Variants in KCNQ3 observed in about 807,000 individuals in gnomAD.
KCNQ3 encodes potassium voltage-gated channel subfamily KQT member 3.
KCNQ3 carries 30 observed loss-of-function variants against 92.5 expected under a neutral mutation model. The ratio of observed to expected loss-of-function variants is 0.32; its 90% CI spans 0.24 to 0.44. KCNQ3 has a LOEUF of 0.44. Ranked by LOEUF, KCNQ3 falls within the 20% of genes least tolerant of loss-of-function variation. The probability of loss-of-function intolerance (pLI) is 1.00; values close to 1 mark genes in which losing one functional copy is unlikely to be tolerated. For synonymous variants in KCNQ3, 450 were observed against 468.8 expected (o/e 0.96, Z 0.52); for missense variants, 913 against 1,140.3 (o/e 0.80, Z 2.87).
rs944835990 is a variant in KCNQ3, at chr8:132,186,013, G to A, written c.477+78C>T. ...CAAGAAGCTGCAACCAGTCAGGGAGGAGTGCACCCAAGGGCAACCTCCTTT... is the reference window on the plus strand; with the variant it reads ...CAAGAAGCTGCAACCAGTCAGGGAGAAGTGCACCCAAGGGCAACCTCCTTT... On this transcript the variant is annotated intron_variant, in intron 2 of 14. Coordinates refer to ENST00000388996, the MANE Select transcript of KCNQ3 (RefSeq NM_004519.4). The A allele has an allele frequency of 6.9e-6, 7 of 1,015,388 alleles. No homozygotes were observed. In the Admixed American group the frequency reaches 8.5e-5, roughly 12 times the overall value. The allele number at this position is 1,015,388 out of a possible 1,614,324, so 62.9% of individuals were successfully genotyped here. A position where few individuals can be genotyped will look rare whatever the true frequency, so the allele number is the denominator to read the frequency against.
chr8:132,275,670 C>A (rs547346207), intron 1 of KCNQ3, among the ~76,000 whole-genome samples: 16 of 152,134 alleles, frequency 1.1e-4, no homozygotes, highest in South Asian at 1.0e-3. Flanking sequence ...CTCCGCCTCC[C>A]AGGTTCACAC....
At position 132,180,145 on chromosome 8, in the gene KCNQ3, C is replaced by T; in HGVS notation, c.777+12G>A. On this transcript the variant is annotated intron_variant, in intron 4 of 14. Transcript: ENST00000388996. The stretch of plus-strand genomic sequence containing the variant: ...AGCCCATGTGGTCCTGCAGTTTCTC[C>T]ACCACACTTACTTTGCTGTGGGCAC... The T allele has an allele frequency of 6.2e-7, 1 of 1,613,932 alleles. No individual in the cohort carries two copies. The highest frequency in any genetic ancestry group is 8.5e-7 in the Non-Finnish European group (1 of 1,179,950).
rs114902659 is a variant in KCNQ3 at position 132,316,503 on chromosome 8, C to T, written c.387-130322G>A. On this transcript the variant is annotated intron_variant, in intron 1 of 14. Transcript: ENST00000388996. ...GCAGGAAAAACAGGAGTTCCTTCAA[C>T]ACTGGCCACTGTGTGGCTCAGTTTG... Among the ~76,000 whole-genome samples the T allele has an allele frequency of 8.1e-3, 1,236 of 152,344 alleles. 17 individuals are homozygous for T. The highest frequency in any genetic ancestry group is 0.029 in the African/African-American group (1,186 of 41,578).
intron 1 of KCNQ3, among the ~76,000 whole-genome samples, chr8:132,333,921 C>T (rs900433129): frequency 1.2e-4 from 19 of 152,070 alleles, no homozygotes; most frequent in African/African-American, 4.3e-4. Flanking sequence ...TTAGTAGAGA[C>T]AGGGTTTCAC....
At chr8:132,203,683 T>C (rs914865572) in intron 1 of KCNQ3, among the ~76,000 whole-genome samples, 5 of 152,216 alleles carry the variant, frequency 3.3e-5, no homozygotes, top group African/African-American at 1.2e-4. Context: ...ACTTAACCTC[T>C]CTGGTTCTCC....
chr8:132,338,869 C>T (rs1398200882), intron 1 of KCNQ3, among the ~76,000 whole-genome samples: 1 of 152,196 alleles, frequency 6.6e-6, no homozygotes, highest in Non-Finnish European at 1.5e-5. Context: ...CCATCACCTC[C>T]TCAGTGAGCC....
Position 132,480,945 on chromosome 8 carries a change from G to C in KCNQ3, c.-413C>G, listed in dbSNP as rs1822550542. 1 of 150,740 alleles carries C rather than the reference G, an allele frequency of 6.6e-6. No individual in the cohort carries two copies. The highest frequency in any genetic ancestry group is 1.5e-5 in the Non-Finnish European group (1 of 68,610). 9.3% of individuals were successfully genotyped at this position (150,740 alleles called of 1,614,324 possible). A position where few individuals can be genotyped will look rare whatever the true frequency, so the allele number is the denominator to read the frequency against. On this transcript the variant is annotated 5_prime_UTR_variant, in exon 1 of 15. Coordinates refer to ENST00000388996, the MANE Select transcript of KCNQ3 (RefSeq NM_004519.4). ...GCATCGCAGTTTATTTACAAGCCCG[G>C]TGCCAGCCGCCCTCCCGCCCGCCAG...
At position 132,199,925 on chromosome 8, in the gene KCNQ3, A is replaced by G. The variant is rs532303454; in HGVS notation, c.387-13744T>C. On this transcript the variant is annotated intron_variant, in intron 1 of 14. Transcript: ENST00000388996. ...ACTCAGTCTCCAAAAAAAAAAAAAA[A>G]AAGTGTAAATATGTAAAAGTGCCTA... 2.5e-3 allele frequency among the ~76,000 whole-genome samples: 380 copies of G among 152,164 alleles called. 2 individuals carry two copies. The highest frequency in any genetic ancestry group is 4.6e-3 in the Non-Finnish European group (315 of 68,014).
At chr8:132,319,484 G>A (rs376859853) in intron 1 of KCNQ3, among the ~76,000 whole-genome samples, 2 of 152,090 alleles carry the variant, frequency 1.3e-5, no homozygotes, top group African/African-American at 2.4e-5. Flanking sequence ...AAATCAACAC[G>A]CAGGCGCCTT....
chr8:132,266,999 TA>T (rs1401816948), intron 1 of KCNQ3, among the ~76,000 whole-genome samples: 1 of 152,146 alleles, frequency 6.6e-6, no homozygotes. Context: ...AAAGGAAGGC[TA>T]AAGAAAACAT....
At chr8:132,149,788 G>A (rs538701992) in intron 9 of KCNQ3, among the ~76,000 whole-genome samples, 45 of 152,194 alleles carry the variant, frequency 3.0e-4, no homozygotes, top group African/African-American at 9.1e-4. Flanking sequence ...AGTGTCCAAC[G>A]GCCATGCAGG....
At chr8:132,140,397 G>T (rs190329635) in intron 10 of KCNQ3, 151 of 549,454 alleles carry the variant, frequency 2.7e-4, no homozygotes, top group Non-Finnish European at 4.5e-4. Flanking sequence ...AAAAGTGTGC[G>T]CAGCTCATGA....
At chr8:132,290,992 C>A (rs57736176) in intron 1 of KCNQ3, among the ~76,000 whole-genome samples, 3,921 of 152,134 alleles carry the variant, frequency 0.026, 187 homozygotes, top group African/African-American at 0.089. Context: ...TAAAAGAAGA[C>A]GAGATTTCAA....
At chr8:132,266,955 A>G (rs908341190) in intron 1 of KCNQ3, among the ~76,000 whole-genome samples, 19 of 152,156 alleles carry the variant, frequency 1.2e-4, no homozygotes, top group African/African-American at 4.6e-4. Context: ...AAATTTCAAG[A>G]TTTATTTATT....
intron 1 of KCNQ3, among the ~76,000 whole-genome samples, chr8:132,235,136 T>A (rs565127003): frequency 6.6e-6 from 1 of 152,336 alleles, no homozygotes; most frequent in East Asian, 1.9e-4. Flanking sequence ...CTCTCTGGTG[T>A]CTTCACATCA....
At chr8:132,387,975 AGAAGAG>A (rs142079064) in intron 1 of KCNQ3, among the ~76,000 whole-genome samples, 23,181 of 150,194 alleles carry the variant, frequency 0.15, 2,116 homozygotes, top group African/African-American at 0.25. Context: ...AAGAAGGAGG[AGAAGAG>A]GAAGAGGAAG....
chr8:132,336,460 G>A (rs1316069834), intron 1 of KCNQ3, among the ~76,000 whole-genome samples: 2 of 152,336 alleles, frequency 1.3e-5, no homozygotes, highest in East Asian at 1.9e-4. Context: ...GGGGAGGCAG[G>A]GTTGGAGGAT....
chr8:132,297,895 G>T (rs1306784638), intron 1 of KCNQ3, among the ~76,000 whole-genome samples: 1 of 152,230 alleles, frequency 6.6e-6, no homozygotes, highest in Non-Finnish European at 1.5e-5. Flanking sequence ...AATAAGTGGT[G>T]AAAGCACTGA....
chr8:132,213,776 C>T (rs1392500231), intron 1 of KCNQ3, among the ~76,000 whole-genome samples: 1 of 152,216 alleles, frequency 6.6e-6, no homozygotes, highest in East Asian at 1.9e-4. Flanking sequence ...ACCCCAAGTC[C>T]ACTTATCAAG....
Sources: gnomAD v4.1 joint callset for allele counts (sites outside exome capture counted in the v4.1 genomes callset) on GRCh38, gnomAD v4.1.1 for gene constraint, MANE v1.5 for transcripts, NCBI Gene and HGNC (gene_info 2026-07-23, HGNC 2026-07-21) for gene names.